The following XKR4 variants were observed in gnomAD, a reference collection of about 807,000 sequenced individuals.
The protein encoded by XKR4 is XK related 4, also known as XK-related protein 4.
A neutral mutation model predicts 53.9 loss-of-function variants in XKR4; 12 were observed. The observed-to-expected ratio is 0.22, with a 90% CI of 0.14 to 0.36. The LOEUF (loss-of-function observed/expected upper bound fraction) is 0.36. XKR4 is among the 10% of genes least tolerant of loss of function. The pLI, the probability that XKR4 is intolerant of heterozygous loss-of-function variation, is 1.00. For missense variants in XKR4, 799 were observed against 859.5 expected, an observed-to-expected ratio of 0.93 and a Z score of 0.88; for synonymous variants, 354 against 362.4, an observed-to-expected ratio of 0.98 and a Z score of 0.26.
chr8:55,327,364 A>C (rs1297804485), intron 1 of XKR4, among the ~76,000 whole-genome samples: 1 of 152,162 alleles, frequency 6.6e-6, no homozygotes, highest in Non-Finnish European at 1.5e-5. Flanking sequence ...AAAAAAAAAA[A>C]AACTTTTTGT....
intron 2 of XKR4, among the ~76,000 whole-genome samples, chr8:55,477,104 G>A (rs560089173): frequency 1.6e-5 from 1 of 63,738 alleles, no homozygotes; most frequent in Non-Finnish European, 2.9e-5. Flanking sequence ...CCTCAAGTGG[G>A]TCCCTGACCC....
chr8:55,502,153 A>G (rs1444706108), intron 2 of XKR4, among the ~76,000 whole-genome samples: 2 of 152,200 alleles, frequency 1.3e-5, no homozygotes, highest in Admixed American at 6.5e-5. Flanking sequence ...CAATTTGAAA[A>G]ATATATTTTT....
intron 1 of XKR4, among the ~76,000 whole-genome samples, chr8:55,215,792 T>A (rs1817789294): frequency 6.6e-6 from 1 of 152,214 alleles, no homozygotes; most frequent in South Asian, 2.1e-4. Flanking sequence ...ACATTATTCT[T>A]AGTAGTAAGA....
chr8:55,414,641 C>T (rs1183824418), intron 2 of XKR4, among the ~76,000 whole-genome samples: 2 of 151,844 alleles, frequency 1.3e-5, no homozygotes, highest in African/African-American at 4.8e-5. Flanking sequence ...GGACATTTCA[C>T]AAGTGCATAA....
At chr8:55,120,496 T>C (rs572612608) in intron 1 of XKR4, among the ~76,000 whole-genome samples, 1 of 127,854 alleles carries the variant, frequency 7.8e-6, no homozygotes, top group African/African-American at 2.5e-5. Flanking sequence ...GGTTAGAAAC[T>C]GCTCAGTAAA....
intron 1 of XKR4, among the ~76,000 whole-genome samples, chr8:55,299,111 G>T (rs187063475): frequency 6.6e-6 from 1 of 152,046 alleles, no homozygotes; most frequent in Non-Finnish European, 1.5e-5. Context: ...TTTCGTTTTC[G>T]TCAGTCTGGA....
intron 1 of XKR4, among the ~76,000 whole-genome samples, chr8:55,319,088 A>G (rs1448196260): frequency 1.3e-5 from 2 of 152,176 alleles, no homozygotes; most frequent in African/African-American, 2.4e-5. Context: ...AATTTTTTCC[A>G]TGGAAAACTA....
intron 2 of XKR4, among the ~76,000 whole-genome samples, chr8:55,497,624 T>C (rs1260577191): frequency 6.6e-6 from 1 of 152,260 alleles, no homozygotes; most frequent in East Asian, 1.9e-4. Flanking sequence ...TTGAGTCTTC[T>C]TGTTCACACC....
chr8:55,297,459 C>T (rs972921356), intron 1 of XKR4, among the ~76,000 whole-genome samples: 1 of 152,052 alleles, frequency 6.6e-6, no homozygotes, highest in Non-Finnish European at 1.5e-5. Context: ...AAGATTCCTG[C>T]CTTTGAAAAC....
rs979256625 is a variant in XKR4, at chr8:55,534,856, G to T, written c.*10629G>T. The T allele has an allele frequency of 2.6e-5, 4 of 151,146 alleles. No individual in the cohort carries two copies. Among genetic ancestry groups the T allele is most frequent in the African/African-American group, 9.8e-5 (4 of 41,020 alleles). 9.4% of individuals were successfully genotyped at this position (151,146 alleles called of 1,614,324 possible). The stretch of plus-strand genomic sequence containing the variant: ...GGTCATAGTTTCAGAGTATGCAAGA[G>T]AGTCGGGCCTTCATATGTTCTTGTA... On this transcript the variant is annotated 3_prime_UTR_variant, in exon 3 of 3. Coordinates refer to ENST00000327381, the MANE Select transcript of XKR4 (RefSeq NM_052898.2).
At chr8:55,369,118 T>C in intron 2 of XKR4, among the ~76,000 whole-genome samples, 1 of 151,966 alleles carries the variant, frequency 6.6e-6, no homozygotes, top group East Asian at 1.9e-4. Context: ...TCCTAGCACT[T>C]TGGGAGTCCA....
rs1302628579 is a variant in XKR4 at position 55,518,040 on chromosome 8, TAGAG to T, written c.1007-5237_1007-5234del. ...TCACAGGGGAAGGTTATGGCCTCCT[TAGAG>T]AGAAAGAAAAAGACAGGCTCATTCT... is the stretch of plus-strand genomic sequence containing the variant. On this transcript the variant is annotated intron_variant, in intron 2 of 2. Coordinates refer to ENST00000327381, the MANE Select transcript of XKR4 (RefSeq NM_052898.2). Among the ~76,000 whole-genome samples, 4 of 152,160 alleles carry T rather than the reference TAGAG, an allele frequency of 2.6e-5. No individual in the cohort carries two copies. The South Asian group carries it at 6.2e-4, about 24-fold the overall frequency.
chr8:55,376,993 C>T (rs987051862), intron 2 of XKR4, among the ~76,000 whole-genome samples: 15 of 148,706 alleles, frequency 1.0e-4, no homozygotes, highest in Admixed American at 2.7e-4. Flanking sequence ...GAGAGAGAGA[C>T]GGACCCACAA....
intron 2 of XKR4, among the ~76,000 whole-genome samples, chr8:55,372,594 G>A (rs1403937654): frequency 6.6e-6 from 1 of 151,290 alleles, no homozygotes; most frequent in African/African-American, 2.4e-5. Context: ...ATAGGATCAG[G>A]ATTTTGTGGC....
At chr8:55,460,312 T>C (rs1805635671) in intron 2 of XKR4, among the ~76,000 whole-genome samples, 1 of 152,224 alleles carries the variant, frequency 6.6e-6, no homozygotes, top group Non-Finnish European at 1.5e-5. Flanking sequence ...TGAGGGATTT[T>C]GGAGTGATAG....
chr8:55,225,524 A>G (rs1817940105), intron 1 of XKR4, among the ~76,000 whole-genome samples: 1 of 152,190 alleles, frequency 6.6e-6, no homozygotes, highest in Non-Finnish European at 1.5e-5. Context: ...ATGCCTGGAA[A>G]TATCTATGGA....
chr8:55,408,422 C>T (rs1446807332), intron 2 of XKR4, among the ~76,000 whole-genome samples: 1 of 152,148 alleles, frequency 6.6e-6, no homozygotes, highest in Non-Finnish European at 1.5e-5. Context: ...CCTGGCTTCA[C>T]TACTCAATAA....
intron 2 of XKR4, among the ~76,000 whole-genome samples, chr8:55,522,026 A>T (rs1806804853): frequency 6.6e-6 from 1 of 152,204 alleles, no homozygotes; most frequent in African/African-American, 2.4e-5. Context: ...GGTTCAGCTC[A>T]TTAGGGAAGC....
intron 2 of XKR4, among the ~76,000 whole-genome samples, chr8:55,407,788 G>GCTT (rs1804709174): frequency 6.6e-6 from 1 of 152,238 alleles, no homozygotes; most frequent in South Asian, 2.1e-4. Context: ...CAGTTAAGCA[G>GCTT]TCTCATTGAA....
Sources: allele counts gnomAD v4.1 joint callset (sites outside exome capture counted in the v4.1 genomes callset), GRCh38; gene constraint gnomAD v4.1.1; transcripts MANE v1.5; gene names NCBI Gene and HGNC (gene_info 2026-07-23, HGNC 2026-07-21).